The following ADAP1 variants were observed in gnomAD, a reference collection of about 807,000 sequenced individuals.
The protein encoded by ADAP1 is ArfGAP with dual PH domains 1.
ADAP1 carries 31 observed loss-of-function variants against 54.9 expected under a neutral mutation model. The ratio of observed to expected loss-of-function variants is 0.56; its 90% CI spans 0.42 to 0.76. ADAP1 has a LOEUF of 0.76. Ranked by LOEUF, ADAP1 falls within the 30% of genes least tolerant of loss-of-function variation. The pLI is 0.00. For synonymous variants in ADAP1, 313 were observed against 202.6 expected (o/e 1.55, Z -4.63); for missense variants, 535 against 512.4 (o/e 1.04, Z -0.42).
intron 4 of ADAP1, among the ~76,000 whole-genome samples, chr7:908,414 G>A (rs1323546258): frequency 6.6e-6 from 1 of 152,178 alleles, no homozygotes; most frequent in African/African-American, 2.4e-5. Flanking sequence ...GTCTTGGATG[G>A]TGCCAGACGG....
rs530942897 is a variant in ADAP1 at position 945,851 on chromosome 7, G to A, written c.82+8545C>T. ...GGGCAGGTGAGCCACATTCTTGGGC[G>A]GAGCCAGGTGGGGCAGGCGTGTCCC... is the stretch of plus-strand genomic sequence containing the variant. On this transcript the variant is annotated intron_variant, in intron 1 of 10. Transcript: ENST00000265846. This position sits in a 1 kb window ranked among gnomAD's most constrained non-coding sequence, Gnocchi z 4.2. 69 of 985,100 alleles carry A rather than the reference G, an allele frequency of 7.0e-5. No individual in the cohort carries two copies. The African/African-American group carries it at 1.0e-3, about 14-fold the overall frequency. 61.0% of individuals were successfully genotyped at this position (985,100 alleles called of 1,614,324 possible). A position where few individuals can be genotyped will look rare whatever the true frequency, so the allele number is the denominator to read the frequency against.
chr7:950,457 G>A (rs201910311), intron 1 of ADAP1, among the ~76,000 whole-genome samples: 1 of 143,156 alleles, frequency 7.0e-6, no homozygotes, highest in Admixed American at 7.2e-5. Flanking sequence ...CTGCACTCCA[G>A]CCTGGGCGAC....
chr7:913,593 C>A (rs939741624), intron 4 of ADAP1, among the ~76,000 whole-genome samples: 1 of 152,046 alleles, frequency 6.6e-6, no homozygotes, highest in Non-Finnish European at 1.5e-5. Flanking sequence ...CCCCTTATAC[C>A]ATCTTCCTTT....
chr7:918,745 G>A (rs906644102), intron 4 of ADAP1, among the ~76,000 whole-genome samples: 3 of 152,058 alleles, frequency 2.0e-5, no homozygotes, highest in African/African-American at 7.3e-5. Flanking sequence ...GGGGCACTCA[G>A]GAAGCTCCAG....
intron 4 of ADAP1, among the ~76,000 whole-genome samples, chr7:917,247 G>A (rs13237914): frequency 8.8e-5 from 1 of 11,344 alleles, no homozygotes; most frequent in Non-Finnish European, 1.8e-4. Context: ...CAGCTCTACC[G>A]GGGAGTTGCA....
At position 920,823 on chromosome 7, in the gene ADAP1, A is replaced by G. The variant is rs1846165536; in HGVS notation, c.306-773T>C. The G allele has an allele frequency of 1.9e-6, 3 of 1,550,030 alleles. No individual in the cohort carries two copies. The highest frequency in any genetic ancestry group is 2.6e-6 in the Non-Finnish European group (3 of 1,146,818). ...TACCATTGCAGAAACCACGACCCAC[A>G]CACAGGCCCGGCACGGCCCAGGTGC... On this transcript the variant is annotated intron_variant, in intron 3 of 10. Transcript: ENST00000265846. The surrounding 1 kb of genome is among the most constrained non-coding windows in gnomAD (Gnocchi z 4.5).
Position 935,493 on chromosome 7 carries a change from GC to G in ADAP1, c.94del (p.Ala32ProfsTer11). 6.4e-7 allele frequency: 1 copy of G among 1,563,180 alleles called. No homozygotes were observed. The highest frequency in any genetic ancestry group is 8.7e-7 in the Non-Finnish European group (1 of 1,154,058). ...ADCGAPDPDWASYTLGVFICL... is the reference protein window; with the variant it reads ...ADCGAPDPDWXSYTLGVFICL... ...GATGAAGACGCCCAGAGTGTAGGAG[GC>G]CCAGTCGGGATCTGCAAGGGAAAGC... On this transcript the variant is annotated frameshift_variant, in exon 2 of 11. Transcript: ENST00000265846. LOFTEE classifies it high-confidence loss of function.
rs1845105769 is a variant in ADAP1 at position 905,384 on chromosome 7, GAGAAAGGA to G, written c.389-220_389-213del. On this transcript the variant is annotated intron_variant, in intron 4 of 10. Transcript: ENST00000265846. The stretch of plus-strand genomic sequence containing the variant: ...GGAAAGGGAAAGGGAAAGGAGAAAG[GAGAAAGGA>G]GAAAGGAGAAAGGAGAAAGGGAGAA... 2.3e-5 allele frequency: 6 copies of G among 261,022 alleles called. 1 individual carries two copies. Among genetic ancestry groups the G allele is most frequent in the African/African-American group, 7.0e-5 (1 of 14,256 alleles). 16.2% of individuals were successfully genotyped at this position (261,022 alleles called of 1,614,324 possible). A position where few individuals can be genotyped will look rare whatever the true frequency, so the allele number is the denominator to read the frequency against.
rs3824075 is a variant in ADAP1, at chr7:920,505, T to G, written c.306-455A>C. Among the ~76,000 whole-genome samples the G allele has an allele frequency of 6.6e-6, 1 of 150,706 alleles. No homozygotes were observed. The highest frequency in any genetic ancestry group is 6.6e-5 in the Admixed American group (1 of 15,156). On this transcript the variant is annotated intron_variant, in intron 3 of 10. Coordinates refer to ENST00000265846, the MANE Select transcript of ADAP1 (RefSeq NM_006869.4). The surrounding 1 kb of genome is among the most constrained non-coding windows in gnomAD (Gnocchi z 4.5). Reference sequence around the variant, plus strand: ...CGGCGCCGCCCTCCACCCACCGTGCTGCCACCTTGCACCCCCCGTGCCGCC... The same window carrying G: ...CGGCGCCGCCCTCCACCCACCGTGCGGCCACCTTGCACCCCCCGTGCCGCC...
chr7:906,826 GTGA>G (rs1845480104), intron 4 of ADAP1, among the ~76,000 whole-genome samples: 1 of 149,106 alleles, frequency 6.7e-6, no homozygotes, highest in Non-Finnish European at 1.5e-5. Flanking sequence ...GGGTCAGATG[GTGA>G]TGGTGGATGG....
chr7:922,076 C>T (rs1846211005), intron 3 of ADAP1, among the ~76,000 whole-genome samples: 2 of 152,156 alleles, frequency 1.3e-5, no homozygotes, highest in African/African-American at 2.4e-5. Flanking sequence ...CGGAGCCCTC[C>T]GGAAGCCCCT....
intron 4 of ADAP1, among the ~76,000 whole-genome samples, chr7:915,494 C>T (rs1845897170): frequency 6.6e-6 from 1 of 152,226 alleles, no homozygotes. Flanking sequence ...GCAGGCAAGG[C>T]CAAGGCCTTG....
intron 4 of ADAP1, among the ~76,000 whole-genome samples, chr7:916,724 C>T (rs1388736353): frequency 1.3e-5 from 2 of 152,150 alleles, no homozygotes; most frequent in African/African-American, 4.8e-5. Flanking sequence ...GAATCAGCGC[C>T]TGCACAGGCT....
intron 6 of ADAP1, among the ~76,000 whole-genome samples, chr7:902,973 C>A (rs556805252): frequency 1.3e-5 from 2 of 152,182 alleles, no homozygotes; most frequent in African/African-American, 4.8e-5. Context: ...CCCTTTCCCT[C>A]CAGGCACATC....
chr7:899,969 A>T, intron 8 of ADAP1, 133 bp downstream of exon 8: 1 of 1,108,544 alleles, frequency 9.0e-7, no homozygotes. Context: ...CCAGGCACAG[A>T]CAAGGGGCTG....
rs1562911273 is a variant in ADAP1, at chr7:905,308, C to CA, written c.389-137_389-136insT. ...GACGGGGGACACGGACAGGGGGAGA[C>CA]GGACGGGGAGAGGGGACATGGAGGA... On this transcript the variant is annotated intron_variant, in intron 4 of 10. Coordinates refer to ENST00000265846, the MANE Select transcript of ADAP1 (RefSeq NM_006869.4). 2.8e-5 allele frequency: 11 copies of CA among 390,206 alleles called. No individual in the cohort carries two copies. In the African/African-American group the frequency reaches 4.4e-4, roughly 15 times the overall value. 24.2% of individuals were successfully genotyped at this position (390,206 alleles called of 1,614,324 possible).
chr7:918,218 G>C (rs1055447137), intron 4 of ADAP1, among the ~76,000 whole-genome samples: 1 of 152,028 alleles, frequency 6.6e-6, no homozygotes, highest in Non-Finnish European at 1.5e-5. Flanking sequence ...CACCGTGCCC[G>C]ACCCTTTTTT....
intron 6 of ADAP1, chr7:900,883 A>ACGAAGGGCC: frequency 2.5e-6 from 1 of 393,248 alleles, no homozygotes; most frequent in Non-Finnish European, 4.7e-6. Context: ...GAAGGGCCGA[A>ACGAAGGGCC]GGGCCGGGCC....
rs897028813 is a variant in ADAP1, at chr7:904,159, G to T, written c.615C>A (p.Thr205=). ...CCTCATGGTAGATGAAGATGTTACG[G>T]GTGCTGTTGTCCTTCAGGTAGGTGA... ...LQVTYLKDNS[T]RNIFIYHEDG... Residue 205 remains threonine, a synonymous_variant, in exon 6 of 11, where the codon ACC becomes ACA. Coordinates refer to ENST00000265846, the MANE Select transcript of ADAP1 (RefSeq NM_006869.4). The T allele has an allele frequency of 1.9e-6, 3 of 1,612,482 alleles. No homozygotes were observed. The East Asian group carries it at 6.7e-5, about 36-fold the overall frequency.
Sources: allele counts gnomAD v4.1 joint callset (sites outside exome capture counted in the v4.1 genomes callset), GRCh38; gene constraint gnomAD v4.1.1; non-coding constraint Gnocchi (gnomAD v3.1); transcripts MANE v1.5; gene names NCBI Gene and HGNC (gene_info 2026-07-23, HGNC 2026-07-21).